The following TMEM135 variants were observed in gnomAD, a reference collection of about 807,000 sequenced individuals.
The protein encoded by TMEM135 is peroxisomal membrane protein 52.
In TMEM135, 30 loss-of-function variants were observed where a neutral mutation model predicts 60.3. The ratio of observed to expected loss-of-function variants is 0.50; its 90% CI spans 0.37 to 0.68. TMEM135 has a LOEUF of 0.68. Ranked by LOEUF, TMEM135 falls within the 30% of genes least tolerant of loss-of-function variation. The pLI, the probability that TMEM135 is intolerant of heterozygous loss-of-function variation, is 0.00. For synonymous variants in TMEM135, 190 were observed against 186.7 expected, an observed-to-expected ratio of 1.02 and a Z score of -0.14; for missense variants, 468 against 548.8, an observed-to-expected ratio of 0.85 and a Z score of 1.47.
At chr11:87,170,277 C>A (rs1324881808) in intron 5 of TMEM135, among the ~76,000 whole-genome samples, 1 of 152,100 alleles carries the variant, frequency 6.6e-6, no homozygotes, top group Non-Finnish European at 1.5e-5. Context: ...CCTTCTGAAG[C>A]CTATTTCTGT....
chr11:87,260,505 C>T (rs528859076), intron 6 of TMEM135, among the ~76,000 whole-genome samples: 20 of 151,270 alleles, frequency 1.3e-4, no homozygotes, highest in African/African-American at 4.6e-4. Context: ...ATTAAAATTC[C>T]GGTCACTTTC....
intron 5 of TMEM135, among the ~76,000 whole-genome samples, chr11:87,220,530 C>T (rs188778017): frequency 3.9e-5 from 6 of 152,268 alleles, no homozygotes; most frequent in East Asian, 1.9e-4. Flanking sequence ...TCCAGATCTT[C>T]CTGGCATGAC....
chr11:87,053,428 C>T (rs1213232850), intron 1 of TMEM135, among the ~76,000 whole-genome samples: 7 of 152,054 alleles, frequency 4.6e-5, no homozygotes, highest in Non-Finnish European at 8.8e-5. Flanking sequence ...AAGACCTTGA[C>T]AATAGATTGA....
intron 4 of TMEM135, among the ~76,000 whole-genome samples, chr11:87,125,575 A>T (rs1432832707): frequency 2.0e-5 from 3 of 152,224 alleles, no homozygotes; most frequent in African/African-American, 4.8e-5. Context: ...ATGGTATGAA[A>T]TGAGGTTGGA....
intron 3 of TMEM135, among the ~76,000 whole-genome samples, chr11:87,090,501 G>T (rs1420260514): frequency 6.6e-6 from 1 of 152,022 alleles, no homozygotes; most frequent in Non-Finnish European, 1.5e-5. Context: ...AAAGTGATTT[G>T]ACATTGGTAC....
chr11:87,263,458 C>A (rs953119217), intron 6 of TMEM135, among the ~76,000 whole-genome samples: 6 of 152,006 alleles, frequency 3.9e-5, no homozygotes, highest in Non-Finnish European at 5.9e-5. Context: ...ATTATTTATC[C>A]TAGTAGAGCC....
intron 9 of TMEM135, among the ~76,000 whole-genome samples, chr11:87,308,810 T>A (rs543370187): frequency 6.6e-6 from 1 of 152,266 alleles, no homozygotes; most frequent in South Asian, 2.1e-4. Flanking sequence ...CCAAATCTCT[T>A]TTGCACTATG....
intron 5 of TMEM135, among the ~76,000 whole-genome samples, chr11:87,217,087 T>G (rs548301211): frequency 6.2e-4 from 94 of 152,288 alleles, no homozygotes; most frequent in Admixed American, 1.3e-3. Context: ...AGGTAAATAA[T>G]TTGAAAAGAA....
intron 6 of TMEM135, among the ~76,000 whole-genome samples, chr11:87,251,513 G>C (rs890316409): frequency 6.6e-6 from 1 of 152,084 alleles, no homozygotes. Flanking sequence ...CTCATAGGTA[G>C]GGCTTTGAGG....
At chr11:87,044,246 T>C (rs1313398205) in intron 1 of TMEM135, among the ~76,000 whole-genome samples, 2 of 152,098 alleles carry the variant, frequency 1.3e-5, no homozygotes, top group African/African-American at 4.8e-5. Context: ...GACAGTCTCA[T>C]TGGTTGCTAA....
chr11:87,148,290 C>G (rs965802865), intron 4 of TMEM135, among the ~76,000 whole-genome samples: 1 of 152,190 alleles, frequency 6.6e-6, no homozygotes, highest in Non-Finnish European at 1.5e-5. Context: ...AAAGCAATCT[C>G]TTTAGCAGAG....
chr11:87,237,977 G>A (rs1302549031), intron 6 of TMEM135, among the ~76,000 whole-genome samples: 4 of 151,892 alleles, frequency 2.6e-5, no homozygotes, highest in Non-Finnish European at 5.9e-5. Flanking sequence ...TTCCATCTGT[G>A]TTGCAAATGA....
In TMEM135 at chr11:87,159,593, G is replaced by GCGCACACACACACACACACACACACA. The variant is rs56665411; in HGVS notation, c.462+2188_462+2189insGCACACACACACACACACACACACAC. 8.0e-5 allele frequency among the ~76,000 whole-genome samples: 10 copies of GCGCACACACACACACACACACACACA among 124,962 alleles called. No individual in the cohort carries two copies. In the East Asian group the frequency reaches 8.4e-4, roughly 11 times the overall value. The allele number at this position is 124,962 out of a possible 152,430, so 82.0% of individuals were successfully genotyped here. A position where few individuals can be genotyped will look rare whatever the true frequency, so the allele number is the denominator to read the frequency against. ...AAGATACTACTGAATACACACACGC[G>GCGCACACACACACACACACACACACA]CACACACACACACACACACACACAC... is the stretch of plus-strand genomic sequence containing the variant. On this transcript the variant is annotated intron_variant, in intron 5 of 14. Transcript: ENST00000305494.
At chr11:87,055,828 GA>G (rs1026802049) in intron 1 of TMEM135, among the ~76,000 whole-genome samples, 1 of 152,078 alleles carries the variant, frequency 6.6e-6, no homozygotes. Flanking sequence ...GACCTCAAGT[GA>G]TCCACCCGCC....
chr11:87,224,558 T>C (rs745685607), intron 5 of TMEM135, among the ~76,000 whole-genome samples: 8 of 152,202 alleles, frequency 5.3e-5, no homozygotes, highest in Non-Finnish European at 1.2e-4. Flanking sequence ...TTCTTATTCT[T>C]ACTTGAGGTT....
chr11:87,256,482 T>C (rs1174061132), intron 6 of TMEM135, among the ~76,000 whole-genome samples: 1 of 152,172 alleles, frequency 6.6e-6, no homozygotes, highest in African/African-American at 2.4e-5. Flanking sequence ...ATATGTAGTA[T>C]GATTCCTCAA....
At chr11:87,209,668 C>T (rs1940316689) in intron 5 of TMEM135, among the ~76,000 whole-genome samples, 1 of 152,142 alleles carries the variant, frequency 6.6e-6, no homozygotes, top group Admixed American at 6.5e-5. Flanking sequence ...TGGACTTTAA[C>T]TCAACACGAC....
intron 1 of TMEM135, among the ~76,000 whole-genome samples, chr11:87,063,925 G>A (rs1007136838): frequency 5.3e-5 from 8 of 152,136 alleles, no homozygotes; most frequent in African/African-American, 9.7e-5. Flanking sequence ...GTCTTTTGGC[G>A]GACATAAGCA....
Position 87,286,552 on chromosome 11 carries a change from C to T in TMEM135, c.510-9230C>T, listed in dbSNP as rs896149701. ...TCAGCCCTTAGGCGGTCGATGGGAC[C>T]GGGGGCCACAGAGCAGGGGGCGGCG... On this transcript the variant is annotated intron_variant, in intron 6 of 14. Coordinates refer to ENST00000305494, the MANE Select transcript of TMEM135 (RefSeq NM_022918.4). Among the ~76,000 whole-genome samples the T allele has an allele frequency of 2.2e-4, 33 of 152,210 alleles. 1 individual carries two copies. Among genetic ancestry groups the T allele is most frequent in the African/African-American group, 5.8e-4 (24 of 41,530 alleles).
Sources: gnomAD v4.1 joint callset for allele counts (sites outside exome capture counted in the v4.1 genomes callset) on GRCh38, gnomAD v4.1.1 for gene constraint, MANE v1.5 for transcripts, NCBI Gene and HGNC (gene_info 2026-07-23, HGNC 2026-07-21) for gene names.